ERGIC1: variants seen among roughly 807,000 people sequenced by gnomAD.
The protein encoded by ERGIC1 is endoplasmic reticulum-golgi intermediate compartment 1, also known as endoplasmic reticulum-Golgi intermediate compartment protein 1.
In ERGIC1, 19 loss-of-function variants were observed where a neutral mutation model predicts 38.3. That is an observed-to-expected ratio of 0.50 (90% CI 0.35 to 0.73). ERGIC1 has a LOEUF of 0.73. Among genes scored for constraint, ERGIC1 ranks in the 30% least tolerant of loss-of-function variants. The pLI is 0.01. For missense variants in ERGIC1, 294 were observed against 389.2 expected, an observed-to-expected ratio of 0.76 and a Z score of 2.06; for synonymous variants, 124 against 157.6, an observed-to-expected ratio of 0.79 and a Z score of 1.60.
intron 1 of ERGIC1, among the ~76,000 whole-genome samples, chr5:172,881,420 A>G (rs1283661287): frequency 5.9e-5 from 9 of 152,170 alleles, no homozygotes; most frequent in African/African-American, 2.2e-4. Flanking sequence ...TCATGGACTC[A>G]GTTCCCCAAG....
At chr5:172,931,857 C>T (rs959790753) in intron 7 of ERGIC1, among the ~76,000 whole-genome samples, 1 of 123,086 alleles carries the variant, frequency 8.1e-6, no homozygotes, top group Non-Finnish European at 1.7e-5. Context: ...AGCACCCACA[C>T]TTTTTTTTTT....
chr5:172,838,967 G>A (rs1301971495), intron 1 of ERGIC1, among the ~76,000 whole-genome samples: 1 of 152,104 alleles, frequency 6.6e-6, no homozygotes, highest in African/African-American at 2.4e-5. Flanking sequence ...TAAAATGAGC[G>A]CTGTGGCTCA....
chr5:172,874,482 C>T (rs1264991896), intron 1 of ERGIC1, among the ~76,000 whole-genome samples: 1 of 152,188 alleles, frequency 6.6e-6, no homozygotes. Context: ...AAGTGCTTCT[C>T]CTGAACCTAC....
chr5:172,871,544 T>C (rs958913394), intron 1 of ERGIC1, among the ~76,000 whole-genome samples: 2 of 152,258 alleles, frequency 1.3e-5, no homozygotes, highest in African/African-American at 4.8e-5. Flanking sequence ...TCATTCACTG[T>C]TGGTCTCTCC....
intron 1 of ERGIC1, among the ~76,000 whole-genome samples, chr5:172,876,873 A>G (rs10060992): frequency 6.6e-6 from 1 of 152,042 alleles, no homozygotes; most frequent in South Asian, 2.1e-4. Context: ...AGAATCATCC[A>G]TGTTGTTGCA....
Position 172,950,794 on chromosome 5 carries a change from T to A in ERGIC1, c.851T>A (p.Ile284Asn). ...ACAGCCTCTGAGGCCTGGAAGAAGATCCAGCTGGGCAAGATGCATTGACGC... is the reference window on the plus strand; with the variant it reads ...ACAGCCTCTGAGGCCTGGAAGAAGAACCAGCTGGGCAAGATGCATTGACGC... ...IFTASEAWKKIQLGKMH is the reference protein window; with the variant it reads ...IFTASEAWKKNQLGKMH The change falls in exon 10 of 10, where the codon ATC becomes AAC. Residue 284 changes from isoleucine (I) to asparagine (N), a missense_variant. Physicochemically the swap from Ile to Asn is moderately radical, Grantham distance 149 (BLOSUM62 -3). Coordinates refer to ENST00000393784, the MANE Select transcript of ERGIC1 (RefSeq NM_001031711.3). 6.2e-7 allele frequency: 1 copy of A among 1,612,008 alleles called. No homozygotes were observed. The highest frequency in any genetic ancestry group is 1.1e-5 in the South Asian group (1 of 90,908).
intron 9 of ERGIC1, among the ~76,000 whole-genome samples, chr5:172,943,311 T>C (rs1373774317): frequency 6.6e-6 from 1 of 151,638 alleles, no homozygotes; most frequent in East Asian, 1.9e-4. Context: ...CCCCCGGAGC[T>C]CTGGAAGGCC....
chr5:172,865,840 A>AT (rs926959441), intron 1 of ERGIC1, among the ~76,000 whole-genome samples: 3 of 152,018 alleles, frequency 2.0e-5, no homozygotes, highest in African/African-American at 7.3e-5. Context: ...TTTTGAGCTT[A>AT]TTTTTTATTT....
At chr5:172,871,120 C>A (rs1173908933) in intron 1 of ERGIC1, among the ~76,000 whole-genome samples, 2 of 152,220 alleles carry the variant, frequency 1.3e-5, no homozygotes, top group African/African-American at 4.8e-5. Context: ...ATCGCATGTG[C>A]CCGGTAGTAA....
intron 3 of ERGIC1, chr5:172,897,944 C>A: frequency 2.4e-6 from 1 of 413,612 alleles, no homozygotes; most frequent in Non-Finnish European, 4.4e-6. Flanking sequence ...CTAGTAAACG[C>A]TCTGGGGTGT....
intron 9 of ERGIC1, chr5:172,938,117 A>T (rs77457494): frequency 0.025 from 3,738 of 152,312 alleles, 64 homozygotes; most frequent in Non-Finnish European, 0.039. Context: ...CCCTGAGGGG[A>T]GATGCACAAA....
chr5:172,926,623 G>T lies in ERGIC1; in HGVS notation c.541+54G>T. 1 of 1,597,530 alleles carries T rather than the reference G, an allele frequency of 6.3e-7. No homozygotes were observed. Among genetic ancestry groups the T allele is most frequent in the Non-Finnish European group, 8.5e-7 (1 of 1,172,416 alleles). On this transcript the variant is annotated intron_variant, in intron 7 of 9. Transcript: ENST00000393784. This position sits in a 1 kb window ranked among gnomAD's most constrained non-coding sequence, Gnocchi z 5.2. Reference sequence around the variant, plus strand: ...TGCTCCAAGATGCCCAGTACAGCAGGCAGGGAGGGGGAGGGCAGAGAGGTG... The same window carrying T: ...TGCTCCAAGATGCCCAGTACAGCAGTCAGGGAGGGGGAGGGCAGAGAGGTG...
At chr5:172,928,627 A>G (rs2113461292) in intron 7 of ERGIC1, among the ~76,000 whole-genome samples, 1 of 152,256 alleles carries the variant, frequency 6.6e-6, no homozygotes, top group East Asian at 1.9e-4. Flanking sequence ...TGCCTTGCCC[A>G]CTGCTTTGTC....
At chr5:172,836,032 G>A (rs1008657107) in intron 1 of ERGIC1, among the ~76,000 whole-genome samples, 1 of 152,206 alleles carries the variant, frequency 6.6e-6, no homozygotes, top group Non-Finnish European at 1.5e-5. Flanking sequence ...GATTCAGTAG[G>A]TTCCGGTGAT....
chr5:172,893,021 A>G (rs11739443), intron 2 of ERGIC1, among the ~76,000 whole-genome samples: 40,693 of 151,546 alleles, frequency 0.27, 6,111 homozygotes, highest in African/African-American at 0.41. Flanking sequence ...CCATCCCCCC[A>G]GCTCTGGTGC....
intron 9 of ERGIC1, among the ~76,000 whole-genome samples, chr5:172,945,985 G>A (rs1239985059): frequency 6.6e-6 from 1 of 152,182 alleles, no homozygotes; most frequent in African/African-American, 2.4e-5. Context: ...CACCCGGCTG[G>A]CTTTCCTGTT....
intron 4 of ERGIC1, among the ~76,000 whole-genome samples, chr5:172,912,711 G>A (rs1429408032): frequency 6.6e-6 from 1 of 151,890 alleles, no homozygotes; most frequent in East Asian, 1.9e-4. Context: ...TTATATAAAA[G>A]GCACTTAGAA....
At chr5:172,901,316 T>G (rs905696996) in intron 3 of ERGIC1, among the ~76,000 whole-genome samples, 1 of 152,188 alleles carries the variant, frequency 6.6e-6, no homozygotes, top group Non-Finnish European at 1.5e-5. Flanking sequence ...TTAATTATCC[T>G]TGGGAAAGAG....
chr5:172,862,722 T>C (rs1581521079), intron 1 of ERGIC1, among the ~76,000 whole-genome samples: 2 of 152,218 alleles, frequency 1.3e-5, no homozygotes, highest in Non-Finnish European at 2.9e-5. Context: ...AGGGCTACTG[T>C]CACAGTTTGT....
Sources: gnomAD v4.1 joint callset for allele counts (sites outside exome capture counted in the v4.1 genomes callset) on GRCh38, gnomAD v4.1.1 for gene constraint, Gnocchi (gnomAD v3.1) non-coding constraint, MANE v1.5 for transcripts, NCBI Gene and HGNC (gene_info 2026-07-23, HGNC 2026-07-21) for gene names.